LARP4: variants seen among roughly 807,000 people sequenced by gnomAD.
LARP4 encodes la-related protein 4.
Under a neutral mutation model 92.9 loss-of-function variants are expected in LARP4, and 29 were observed. The ratio of observed to expected loss-of-function variants is 0.31; its 90% CI spans 0.23 to 0.43. The LOEUF (loss-of-function observed/expected upper bound fraction) is 0.43, where lower values mean the gene tolerates loss of function less well. Among genes scored for constraint, LARP4 ranks in the 20% least tolerant of loss-of-function variants. The pLI is 1.00. For missense variants in LARP4, 732 were observed against 860.0 expected, an observed-to-expected ratio of 0.85 and a Z score of 1.86; for synonymous variants, 279 against 284.1, an observed-to-expected ratio of 0.98 and a Z score of 0.18.
chr12:50,463,836 C>A (rs891729767), intron 12 of LARP4, among the ~76,000 whole-genome samples: 2 of 152,118 alleles, frequency 1.3e-5, no homozygotes, highest in African/African-American at 4.8e-5. Flanking sequence ...TGTGAGGGCT[C>A]CAGCCCCGTA....
intron 13 of LARP4, among the ~76,000 whole-genome samples, chr12:50,470,049 G>A (rs577254678): frequency 2.0e-5 from 3 of 151,070 alleles, no homozygotes; most frequent in South Asian, 2.1e-4. Flanking sequence ...GAGAGGTCCC[G>A]TCTGTACATA....
intron 8 of LARP4, 136 bp from the exon 9 acceptor site, chr12:50,453,321 TTTC>T (rs1953619271): frequency 3.7e-6 from 2 of 538,882 alleles, no homozygotes; most frequent in Non-Finnish European, 6.5e-6. Flanking sequence ...AAGCTGTCAT[TTTC>T]TTTTCTTTTG....
At chr12:50,465,323 G>C (rs1163173271) in intron 12 of LARP4, among the ~76,000 whole-genome samples, 52 of 143,088 alleles carry the variant, frequency 3.6e-4, no homozygotes. Context: ...AATGAGCTGA[G>C]ATCATGCCAC....
chr12:50,471,651 A>C (rs988292583), intron 13 of LARP4, among the ~76,000 whole-genome samples: 2 of 152,010 alleles, frequency 1.3e-5, no homozygotes, highest in African/African-American at 4.8e-5. Context: ...AGCCTCCTGA[A>C]TGGTGAATAC....
intron 10 of LARP4, among the ~76,000 whole-genome samples, chr12:50,460,049 C>T (rs1373006887): frequency 4.0e-5 from 6 of 151,658 alleles, no homozygotes; most frequent in South Asian, 2.1e-4. Context: ...GCAGGAGAAT[C>T]GCTTGCATCT....
intron 10 of LARP4, among the ~76,000 whole-genome samples, chr12:50,459,115 C>T (rs1308229591): frequency 3.3e-5 from 5 of 152,166 alleles, no homozygotes; most frequent in Admixed American, 2.6e-4. Flanking sequence ...TCTCCTGCCT[C>T]AGCCTCCTGA....
At chr12:50,473,859 A>G (rs1451233440) in intron 14 of LARP4, 140 bp from the exon 15 acceptor site, 7 of 548,244 alleles carry the variant, frequency 1.3e-5, no homozygotes, top group African/African-American at 1.2e-4. Context: ...GCAGTGAGCC[A>G]AGAGCATGCC....
intron 13 of LARP4, 148 bp from the exon 14 acceptor site, chr12:50,473,267 T>G: frequency 1.7e-6 from 1 of 586,160 alleles, no homozygotes; most frequent in Non-Finnish European, 3.1e-6. Flanking sequence ...ACCATCCTTG[T>G]GGGTATGAAG....
At chr12:50,432,876 AAG>A (rs386376477) in intron 4 of LARP4, among the ~76,000 whole-genome samples, 10 of 150,810 alleles carry the variant, frequency 6.6e-5, no homozygotes, top group African/African-American at 2.4e-4. Context: ...AAAAAAAAAA[AAG>A]AAAAGCTGGC....
At chr12:50,456,596 A>G (rs959697511) in intron 10 of LARP4, among the ~76,000 whole-genome samples, 7 of 152,126 alleles carry the variant, frequency 4.6e-5, no homozygotes, top group South Asian at 2.1e-4. Context: ...CACTATTCCT[A>G]CTTAGAGAGA....
At chr12:50,458,563 A>G (rs954075508) in intron 10 of LARP4, among the ~76,000 whole-genome samples, 3 of 152,212 alleles carry the variant, frequency 2.0e-5, no homozygotes, top group East Asian at 3.8e-4. Flanking sequence ...TTATTCCTAG[A>G]GTCAGGAATT....
At chr12:50,437,548 T>C (rs116723445) in intron 5 of LARP4, among the ~76,000 whole-genome samples, 187 bp from the exon 6 acceptor site, 1,852 of 152,300 alleles carry the variant, frequency 0.012, 42 homozygotes, top group African/African-American at 0.041. Context: ...ACAGTGTTCT[T>C]TACATACAAA....
chr12:50,450,574 G>A lies in LARP4; in HGVS notation c.805-2886G>A, dbSNP rs1953007050. On this transcript the variant is annotated intron_variant, in intron 8 of 15. Transcript: ENST00000398473. ...TCCTTTTTCCCATATGAAAATCTCG[G>A]AAAAAAATCCGCCTCCTGGGTTCAA... Among the ~76,000 whole-genome samples the A allele has an allele frequency of 2.6e-5, 4 of 151,696 alleles. No homozygotes were observed. The South Asian group carries it at 8.3e-4, about 32-fold the overall frequency.
In LARP4 at chr12:50,478,718, A is replaced by G. The variant is rs557961076; in HGVS notation, c.*2854A>G. 1 of 152,274 alleles carries G rather than the reference A, an allele frequency of 6.6e-6. No individual in the cohort carries two copies. Among genetic ancestry groups the G allele is most frequent in the African/African-American group, 2.4e-5 (1 of 41,572 alleles). The allele number at this position is 152,274 out of a possible 1,614,324, so 9.4% of individuals were successfully genotyped here. A position where few individuals can be genotyped will look rare whatever the true frequency, so the allele number is the denominator to read the frequency against. On this transcript the variant is annotated 3_prime_UTR_variant, in exon 16 of 16. Transcript: ENST00000398473. ...CTTCATAGAGAAGGTACATAGAGAC[A>G]TTGCAAAACCTGTCTCCATTTGCTA...
chr12:50,472,354 C>T (rs1957024602), intron 13 of LARP4, among the ~76,000 whole-genome samples: 1 of 152,146 alleles, frequency 6.6e-6, no homozygotes, highest in South Asian at 2.1e-4. Context: ...CTTCAGCAGC[C>T]ACTATTCTAC....
At chr12:50,432,091 G>C (rs1411926244) in intron 4 of LARP4, among the ~76,000 whole-genome samples, 2 of 152,000 alleles carry the variant, frequency 1.3e-5, no homozygotes, top group South Asian at 4.2e-4. Flanking sequence ...AGCCGAGGTT[G>C]CAGCACTGCA....
chr12:50,417,346 GC>G (rs67533036), intron 1 of LARP4, among the ~76,000 whole-genome samples: 16,265 of 151,062 alleles, frequency 0.11, 1,728 homozygotes, highest in East Asian at 0.45. Context: ...CTGCGCTCCA[GC>G]CTGGGTGACA....
intron 1 of LARP4, chr12:50,421,235 C>T: frequency 1.0e-6 from 1 of 982,696 alleles, no homozygotes; most frequent in Non-Finnish European, 1.2e-6. Flanking sequence ...AGGCGTGAGC[C>T]ACCGTACCCA....
Position 50,446,329 on chromosome 12 carries a change from GTCTCTCTCTCTCCCTCTCTCTCTC to G in LARP4, c.804+4699_804+4722del, listed in dbSNP as rs1952055796. On this transcript the variant is annotated intron_variant, in intron 8 of 15. Transcript: ENST00000398473. ...CCAATTGCTGTTTTCTTGACTAGTGGTCTCTCTCTCTCCCTCTCTCTCTCTCTCTCTCTCTCTCTCTCTCTCTCT... is the reference window on the plus strand; with the variant it reads ...CCAATTGCTGTTTTCTTGACTAGTGGTCTCTCTCTCTCTCTCTCTCTCTCT... 2.5e-4 allele frequency among the ~76,000 whole-genome samples: 14 copies of G among 55,454 alleles called. 4 individuals carry two copies. The highest frequency in any genetic ancestry group is 1.8e-3 in the South Asian group (2 of 1,132). The allele number at this position is 55,454 out of a possible 152,430, so 36.4% of individuals were successfully genotyped here. A position where few individuals can be genotyped will look rare whatever the true frequency, so the allele number is the denominator to read the frequency against.
Sources: allele counts gnomAD v4.1 joint callset (sites outside exome capture counted in the v4.1 genomes callset), GRCh38; gene constraint gnomAD v4.1.1; transcripts MANE v1.5; gene names NCBI Gene and HGNC (gene_info 2026-07-23, HGNC 2026-07-21).